The following HSPH1 variants were observed in gnomAD, a reference collection of about 807,000 sequenced individuals.
HSPH1 encodes the protein heat shock protein family H (Hsp110) member 1.
A neutral mutation model predicts 100.0 loss-of-function variants in HSPH1; 40 were observed. The observed-to-expected ratio is 0.40, with a 90% CI of 0.31 to 0.52. The LOEUF is 0.52. Ranked by LOEUF, HSPH1 falls within the 20% of genes least tolerant of loss-of-function variation. The pLI, the probability that HSPH1 is intolerant of heterozygous loss-of-function variation, is 0.54. For missense variants in HSPH1, 876 were observed against 1,015.1 expected, an observed-to-expected ratio of 0.86 and a Z score of 1.86; for synonymous variants, 403 against 344.0, an observed-to-expected ratio of 1.17 and a Z score of -1.90.
Position 31,137,377 on chromosome 13 carries a change from G to GTGAA in HSPH1, c.2517_2518insTTCA (p.His840PhefsTer6). The GTGAA allele has an allele frequency of 1.2e-6, 2 of 1,613,372 alleles. No homozygotes were observed. The highest frequency in any genetic ancestry group is 1.7e-6 in the Non-Finnish European group (2 of 1,179,482). ...TTAGGGTAACATTCACCATTCTGATGTGGAGGTTCAGCACCAAAATTGTTT... is the reference window on the plus strand; with the variant it reads ...TTAGGGTAACATTCACCATTCTGATGTGAATGGAGGTTCAGCACCAAAATTGTTT... On this transcript the variant is annotated frameshift_variant, in exon 18 of 18. Coordinates refer to ENST00000320027, the MANE Select transcript of HSPH1 (RefSeq NM_006644.4). LOFTEE classifies it high-confidence loss of function.
Position 31,161,890 on chromosome 13 carries a change from C to A in HSPH1, c.-308G>T, listed in dbSNP as rs965725557. 2 of 1,494,536 alleles carry A rather than the reference C, an allele frequency of 1.3e-6. No individual in the cohort carries two copies. Among genetic ancestry groups the A allele is most frequent in the Non-Finnish European group, 8.9e-7 (1 of 1,123,366 alleles). 92.6% of individuals were successfully genotyped at this position (1,494,536 alleles called of 1,614,324 possible). A position where few individuals can be genotyped will look rare whatever the true frequency, so the allele number is the denominator to read the frequency against. On this transcript the variant is annotated 5_prime_UTR_variant, in exon 1 of 18. Coordinates refer to ENST00000320027, the MANE Select transcript of HSPH1 (RefSeq NM_006644.4). ...CGCGGCTCGCACACCGGCGCCGGCG[C>A]TGAACTACCGACCCAAAAGGGGAGG...
At chr13:31,151,555 A>T in intron 6 of HSPH1, 54 bp downstream of exon 6, 2 of 1,530,206 alleles carry the variant, frequency 1.3e-6, no homozygotes, top group South Asian at 2.5e-5. Flanking sequence ...TCAGTAGCTT[A>T]AAGTCACAAC....
At chr13:31,146,041 G>A (rs993029656) in intron 10 of HSPH1, among the ~76,000 whole-genome samples, 2 of 152,024 alleles carry the variant, frequency 1.3e-5, no homozygotes, top group Admixed American at 6.6e-5. Flanking sequence ...AGTCTGAGGC[G>A]GGAGGACTCC....
chr13:31,159,193 G>A (rs549528529), intron 1 of HSPH1, among the ~76,000 whole-genome samples: 1 of 152,224 alleles, frequency 6.6e-6, no homozygotes, highest in East Asian at 1.9e-4. Flanking sequence ...CCCTACACAC[G>A]ACTAACAAAA....
At chr13:31,158,415 G>C (rs748001397) in intron 2 of HSPH1, among the ~76,000 whole-genome samples, 2 of 151,998 alleles carry the variant, frequency 1.3e-5, no homozygotes, top group African/African-American at 2.4e-5. Flanking sequence ...TGGGCGTGGT[G>C]ACACGCGCCT....
intron 3 of HSPH1, among the ~76,000 whole-genome samples, chr13:31,155,136 C>T (rs533121275): frequency 1.3e-5 from 2 of 152,190 alleles, no homozygotes; most frequent in Non-Finnish European, 2.9e-5. Flanking sequence ...AGGAATACCT[C>T]TGCAAGTTTA....
At chr13:31,142,888 C>T (rs1956146694) in intron 12 of HSPH1, among the ~76,000 whole-genome samples, 2 of 152,054 alleles carry the variant, frequency 1.3e-5, no homozygotes, top group Admixed American at 1.3e-4. Flanking sequence ...CATCACACAA[C>T]TTAACAGTAG....
chr13:31,160,188 G>A (rs1956845814), intron 1 of HSPH1, among the ~76,000 whole-genome samples: 1 of 152,152 alleles, frequency 6.6e-6, no homozygotes, highest in Middle Eastern at 3.4e-3. Context: ...GGATCAACCA[G>A]AACAAAGTAT....
upstream of HSPH1, chr13:31,162,140 C>T: frequency 2.0e-6 from 3 of 1,490,572 alleles, no homozygotes; most frequent in Non-Finnish European, 2.7e-6. Context: ...AACCTGCCTC[C>T]GCCCACTCCC....
chr13:31,155,383 A>T (rs914166693), intron 3 of HSPH1, 131 bp downstream of exon 3: 4 of 620,486 alleles, frequency 6.4e-6, no homozygotes, highest in African/African-American at 3.7e-5. Flanking sequence ...TATACTTTAA[A>T]AGGAGCTGAA....
At chr13:31,139,518 C>T (rs1334158666) in intron 14 of HSPH1, among the ~76,000 whole-genome samples, 1 of 152,002 alleles carries the variant, frequency 6.6e-6, no homozygotes, top group Admixed American at 6.6e-5. Flanking sequence ...CTGGTTCGGT[C>T]ATCTCAACTT....
At chr13:31,154,213 C>G (rs913164354) in intron 4 of HSPH1, 1 of 216,744 alleles carries the variant, frequency 4.6e-6, no homozygotes, top group Admixed American at 5.4e-5. Context: ...AACAGGCTTG[C>G]TAGTGTTAAA....
intron 1 of HSPH1, among the ~76,000 whole-genome samples, chr13:31,160,600 C>G (rs1477856637): frequency 6.6e-6 from 1 of 152,194 alleles, no homozygotes; most frequent in East Asian, 1.9e-4. Flanking sequence ...CTTCACGAAA[C>G]TTGCTTTTTA....
rs775174777 is a variant in HSPH1 at position 31,137,239 on chromosome 13, G to C, written c.*79C>G. 1.0e-4 allele frequency: 88 copies of C among 839,696 alleles called. No individual in the cohort carries two copies. Among genetic ancestry groups the C allele is most frequent in the Non-Finnish European group, 1.6e-4 (84 of 512,940 alleles). 52.0% of individuals were successfully genotyped at this position (839,696 alleles called of 1,614,324 possible). On this transcript the variant is annotated 3_prime_UTR_variant, in exon 18 of 18. Coordinates refer to ENST00000320027, the MANE Select transcript of HSPH1 (RefSeq NM_006644.4). Reference sequence around the variant, plus strand: ...ATCCTTAAAAAAGAAAATATAAATAGTTTCAGTATGTTATGTAGAGTCACA... The same window carrying C: ...ATCCTTAAAAAAGAAAATATAAATACTTTCAGTATGTTATGTAGAGTCACA...
Position 31,136,689 on chromosome 13 carries a change from C to G in HSPH1, c.*629G>C, listed in dbSNP as rs1413641854. On this transcript the variant is annotated 3_prime_UTR_variant, in exon 18 of 18. Coordinates refer to ENST00000320027, the MANE Select transcript of HSPH1 (RefSeq NM_006644.4). ...TCATAAAAGTGTTCACAATCAGTTA[C>G]AACAGGATCGACATTTCTTCCATTC... is the stretch of plus-strand genomic sequence containing the variant. The G allele has an allele frequency of 1.3e-5, 2 of 153,196 alleles. No homozygotes were observed. The highest frequency in any genetic ancestry group is 2.4e-5 in the African/African-American group (1 of 41,440). The allele number at this position is 153,196 out of a possible 1,614,324, so 9.5% of individuals were successfully genotyped here.
rs969393580 is a variant in HSPH1, at chr13:31,161,651, T to G, written c.-69A>C. On this transcript the variant is annotated 5_prime_UTR_variant, in exon 1 of 18. Coordinates refer to ENST00000320027, the MANE Select transcript of HSPH1 (RefSeq NM_006644.4). The stretch of plus-strand genomic sequence containing the variant: ...CCTCCGGCCCCCTGCCTGCTTCTCC[T>G]GCCGCCGCTTTCTGCCCTGGCCGCG... 3 of 1,590,978 alleles carry G rather than the reference T, an allele frequency of 1.9e-6. No homozygotes were observed. Among genetic ancestry groups the G allele is most frequent in the Non-Finnish European group, 2.6e-6 (3 of 1,174,408 alleles).
intron 4 of HSPH1, 80 bp from the exon 5 acceptor site, chr13:31,153,031 A>G: frequency 1.0e-6 from 1 of 977,958 alleles, no homozygotes; most frequent in East Asian, 2.5e-5. Context: ...TTATAAATTC[A>G]CAACAGTCCA....
intron 2 of HSPH1, among the ~76,000 whole-genome samples, chr13:31,156,147 T>C (rs1767097963): frequency 1.3e-5 from 2 of 152,168 alleles, no homozygotes; most frequent in Non-Finnish European, 2.9e-5. Context: ...TCCCAGCACT[T>C]TGGGAGGCCA....
At chr13:31,160,923 T>A (rs1223117373) in intron 1 of HSPH1, among the ~76,000 whole-genome samples, 2 of 152,216 alleles carry the variant, frequency 1.3e-5, no homozygotes, top group East Asian at 3.9e-4. Flanking sequence ...ACAATCCGCC[T>A]GCTCACTGGA....
Sources: gnomAD v4.1 joint callset for allele counts (sites outside exome capture counted in the v4.1 genomes callset) on GRCh38, gnomAD v4.1.1 for gene constraint, MANE v1.5 for transcripts, NCBI Gene and HGNC (gene_info 2026-07-23, HGNC 2026-07-21) for gene names.